The following NCAM2 variants were observed in gnomAD, a reference collection of about 807,000 sequenced individuals.
NCAM2 encodes the protein neural cell adhesion molecule 2, also known as N-CAM-2.
In NCAM2, 30 loss-of-function variants were observed where a neutral mutation model predicts 98.1. That is an observed-to-expected ratio of 0.31 (90% CI 0.23 to 0.41). The LOEUF (loss-of-function observed/expected upper bound fraction) is 0.41, where lower values mean the gene tolerates loss of function less well. Among genes scored for constraint, NCAM2 ranks in the 10% least tolerant of loss-of-function variants. The pLI, the probability that NCAM2 is intolerant of heterozygous loss-of-function variation, is 1.00. For missense variants in NCAM2, 867 were observed against 1,005.8 expected (o/e 0.86, Z 1.87); for synonymous variants, 368 against 342.4 (o/e 1.07, Z -0.83).
chr21:21,307,604 C>T (rs978596786), intron 5 of NCAM2, among the ~76,000 whole-genome samples: 1 of 152,120 alleles, frequency 6.6e-6, no homozygotes, highest in Non-Finnish European at 1.5e-5. Flanking sequence ...TAATGTCATT[C>T]AGGTTTTTGG....
intron 1 of NCAM2, among the ~76,000 whole-genome samples, chr21:21,203,008 C>A (rs1285980017): frequency 6.6e-6 from 1 of 152,110 alleles, no homozygotes; most frequent in Non-Finnish European, 1.5e-5. Context: ...ATTTCACAGG[C>A]TACTCCAATC....
At chr21:21,366,785 A>G (rs1356611008) in intron 8 of NCAM2, among the ~76,000 whole-genome samples, 2 of 152,038 alleles carry the variant, frequency 1.3e-5, no homozygotes, top group East Asian at 1.9e-4. Context: ...ACCCAGCTTC[A>G]ATAGTTATCA....
intron 12 of NCAM2, among the ~76,000 whole-genome samples, chr21:21,464,378 A>G (rs1168218798): frequency 1.3e-5 from 2 of 152,164 alleles, no homozygotes; most frequent in Non-Finnish European, 2.9e-5. Flanking sequence ...ATGACTAGAT[A>G]TAGCATGGGG....
chr21:21,268,118 G>A (rs192509702), intron 1 of NCAM2, among the ~76,000 whole-genome samples: 1 of 152,102 alleles, frequency 6.6e-6, no homozygotes, highest in Non-Finnish European at 1.5e-5. Context: ...TGGTTTGCAC[G>A]CATGACTCGG....
At chr21:21,343,932 C>T (rs1012633872) in intron 8 of NCAM2, among the ~76,000 whole-genome samples, 3 of 152,098 alleles carry the variant, frequency 2.0e-5, no homozygotes, top group African/African-American at 7.2e-5. Context: ...CAAAGGAGTG[C>T]TGTCATCTTC....
intron 1 of NCAM2, chr21:21,210,704 A>G (rs2069618149): frequency 4.2e-6 from 5 of 1,176,840 alleles, no homozygotes; most frequent in Admixed American, 6.0e-5. Context: ...CAGCTGGACC[A>G]TTGCCCAGGG....
At chr21:21,282,758 TATAA>T (rs1295152908) in intron 2 of NCAM2, among the ~76,000 whole-genome samples, 1 of 151,836 alleles carries the variant, frequency 6.6e-6, no homozygotes, top group African/African-American at 2.4e-5. Context: ...TAATGCTATT[TATAA>T]ATAATCTGTA....
At chr21:21,407,482 C>G (rs1051292266) in intron 9 of NCAM2, among the ~76,000 whole-genome samples, 6 of 152,150 alleles carry the variant, frequency 3.9e-5, no homozygotes, top group African/African-American at 1.4e-4. Context: ...AACAACAAAT[C>G]TTACCCTCAG....
At chr21:21,530,632 A>G (rs1003741013) in intron 16 of NCAM2, among the ~76,000 whole-genome samples, 1 of 151,702 alleles carries the variant, frequency 6.6e-6, no homozygotes, top group Non-Finnish European at 1.5e-5. Context: ...TGTCACATAG[A>G]AATGCAGCTG....
intron 1 of NCAM2, among the ~76,000 whole-genome samples, chr21:21,105,078 A>G (rs932540282): frequency 6.6e-6 from 1 of 152,132 alleles, no homozygotes; most frequent in African/African-American, 2.4e-5. Flanking sequence ...ATGCTTAGCT[A>G]AATTTCTTCC....
chr21:21,506,233 AT>A lies in NCAM2; in HGVS notation c.2078-2611del, dbSNP rs112954323. On this transcript the variant is annotated intron_variant, in intron 15 of 17. Coordinates refer to ENST00000400546, the MANE Select transcript of NCAM2 (RefSeq NM_004540.5). ...CACCAGGGCTAAACCACAATTGTAT[AT>A]TTTTTTCCAATTTTTTTTCCTGAGC... Among the ~76,000 whole-genome samples the A allele has an allele frequency of 6.1e-3, 923 of 152,188 alleles. 12 individuals carry two copies. The highest frequency in any genetic ancestry group is 0.021 in the African/African-American group (883 of 41,530).
At chr21:21,198,585 C>G (rs1394065509) in intron 1 of NCAM2, among the ~76,000 whole-genome samples, 1 of 152,104 alleles carries the variant, frequency 6.6e-6, no homozygotes, top group Non-Finnish European at 1.5e-5. Flanking sequence ...AAAAATAATT[C>G]TTATCATTCT....
intron 12 of NCAM2, among the ~76,000 whole-genome samples, chr21:21,452,031 A>G (rs1466725336): frequency 6.6e-6 from 1 of 151,926 alleles, no homozygotes; most frequent in Non-Finnish European, 1.5e-5. Context: ...CTATTTCTTG[A>G]TGCTCAGATT....
At chr21:21,217,868 G>C (rs1410336825) in intron 1 of NCAM2, among the ~76,000 whole-genome samples, 1 of 152,168 alleles carries the variant, frequency 6.6e-6, no homozygotes, top group African/African-American at 2.4e-5. Flanking sequence ...CCGAAAACAG[G>C]ATGGAGGTGA....
At chr21:21,343,774 T>C (rs908963526) in intron 8 of NCAM2, among the ~76,000 whole-genome samples, 2 of 152,138 alleles carry the variant, frequency 1.3e-5, no homozygotes, top group African/African-American at 4.8e-5. Context: ...GCTCTGTGTC[T>C]CCCAGTAAAC....
intron 1 of NCAM2, among the ~76,000 whole-genome samples, chr21:21,114,315 C>T (rs1235961123): frequency 3.3e-5 from 5 of 152,138 alleles, no homozygotes; most frequent in Non-Finnish European, 7.4e-5. Context: ...TTGCTCTCTA[C>T]AAAAATTGTA....
At chr21:21,526,263 T>C (rs1167125009) in intron 16 of NCAM2, among the ~76,000 whole-genome samples, 1 of 152,122 alleles carries the variant, frequency 6.6e-6, no homozygotes, top group Non-Finnish European at 1.5e-5. Context: ...TCAATGATTA[T>C]AGCAAGGTTG....
intron 1 of NCAM2, among the ~76,000 whole-genome samples, chr21:21,210,967 AACACACACACACACACACACACACACAC>A (rs71195310): frequency 2.0e-4 from 26 of 127,336 alleles, no homozygotes; most frequent in Admixed American, 4.0e-4. Context: ...ACTCTCCCCA[AACACACACACACACACACACACACACAC>A]ACACACACAC....
intron 5 of NCAM2, among the ~76,000 whole-genome samples, chr21:21,304,020 C>T (rs1342674050): frequency 1.3e-5 from 2 of 152,106 alleles, no homozygotes; most frequent in Admixed American, 6.6e-5. Context: ...AATCCACTTA[C>T]CAAATATGTG....
Sources: gnomAD v4.1 joint callset for allele counts (sites outside exome capture counted in the v4.1 genomes callset) on GRCh38, gnomAD v4.1.1 for gene constraint, MANE v1.5 for transcripts, NCBI Gene and HGNC (gene_info 2026-07-23, HGNC 2026-07-21) for gene names.